The following PRKAG2 variants were observed in gnomAD, a reference collection of about 807,000 sequenced individuals.
PRKAG2 encodes the protein protein kinase AMP-activated non-catalytic subunit gamma 2, also known as 5'-AMP-activated protein kinase subunit gamma-2.
A neutral mutation model predicts 69.6 loss-of-function variants in PRKAG2; 26 were observed. That is an observed-to-expected ratio of 0.37 (90% CI 0.27 to 0.52). The LOEUF is 0.52. Ranked by LOEUF, PRKAG2 falls within the 20% of genes least tolerant of loss-of-function variation. The pLI, the probability that PRKAG2 is intolerant of heterozygous loss-of-function variation, is 0.90. For synonymous variants in PRKAG2, 293 were observed against 285.0 expected (o/e 1.03, Z -0.28); for missense variants, 557 against 740.0 (o/e 0.75, Z 2.87).
At chr7:151,604,313 C>G (rs932140396) in intron 5 of PRKAG2, among the ~76,000 whole-genome samples, 2 of 152,188 alleles carry the variant, frequency 1.3e-5, no homozygotes, top group Non-Finnish European at 2.9e-5. Context: ...TAGCATGGTG[C>G]AGCGGTTATA....
chr7:151,647,166 C>T (rs1827708031), intron 4 of PRKAG2, among the ~76,000 whole-genome samples: 1 of 152,142 alleles, frequency 6.6e-6, no homozygotes, highest in African/African-American at 2.4e-5. Flanking sequence ...GAAGCCATTG[C>T]AGAGAGAGAG....
chr7:151,673,874 G>A (rs1186720732), intron 4 of PRKAG2, among the ~76,000 whole-genome samples: 2 of 126,302 alleles, frequency 1.6e-5, no homozygotes, highest in African/African-American at 3.1e-5. Context: ...ACAGTGTCTC[G>A]CTCTGTCACC....
intron 3 of PRKAG2, among the ~76,000 whole-genome samples, chr7:151,731,522 C>CTG (rs113764475): frequency 4.6e-5 from 5 of 107,678 alleles, no homozygotes; most frequent in Admixed American, 9.3e-5. Context: ...GGGGAGAGCT[C>CTG]TGTGTGTGTG....
chr7:151,777,129 C>A lies in PRKAG2; in HGVS notation c.466+4023G>T, dbSNP rs542893744. Among the ~76,000 whole-genome samples, 50 of 152,306 alleles carry A rather than the reference C, an allele frequency of 3.3e-4. No homozygotes were observed. The highest frequency in any genetic ancestry group is 1.1e-3 in the African/African-American group (47 of 41,572). On this transcript the variant is annotated intron_variant, in intron 3 of 15. Coordinates refer to ENST00000287878, the MANE Select transcript of PRKAG2 (RefSeq NM_016203.4). This position sits in a 1 kb window ranked among gnomAD's most constrained non-coding sequence, Gnocchi z 4.3. ...GAAAGGGTGGAGGGGAGTCTGGGAGCTTCCTCCTGTGCAGACCACAGGCCC... is the reference window on the plus strand; with the variant it reads ...GAAAGGGTGGAGGGGAGTCTGGGAGATTCCTCCTGTGCAGACCACAGGCCC...
intron 14 of PRKAG2, among the ~76,000 whole-genome samples, chr7:151,561,799 G>T (rs1216768076): frequency 1.3e-5 from 2 of 151,976 alleles, no homozygotes; most frequent in Non-Finnish European, 1.5e-5. Context: ...CAGAAGTGCT[G>T]GTGGGCACCT....
intron 3 of PRKAG2, among the ~76,000 whole-genome samples, chr7:151,728,335 T>G (rs1377250193): frequency 6.6e-6 from 1 of 152,188 alleles, no homozygotes; most frequent in Admixed American, 6.5e-5. Context: ...GCTCTCTGAA[T>G]GTACCAAGTG....
intron 3 of PRKAG2, among the ~76,000 whole-genome samples, chr7:151,776,571 G>A (rs1029502411): frequency 6.6e-6 from 1 of 152,228 alleles, no homozygotes; most frequent in Non-Finnish European, 1.5e-5. Context: ...GGAGGGCCCA[G>A]GCCCCGGGTA....
intron 1 of PRKAG2, 77 bp from the exon 2 acceptor site, chr7:151,786,618 TCA>T (rs2077024108): frequency 8.5e-7 from 1 of 1,176,850 alleles, no homozygotes; most frequent in African/African-American, 1.5e-5. Context: ...TACGTGGGTG[TCA>T]CCTCCCCCTT....
chr7:151,589,937 A>T (rs1481099314), intron 6 of PRKAG2, among the ~76,000 whole-genome samples: 1 of 152,120 alleles, frequency 6.6e-6, no homozygotes, highest in Non-Finnish European at 1.5e-5. Flanking sequence ...CCTGTCTTTA[A>T]AAAAAAGAAG....
intron 4 of PRKAG2, among the ~76,000 whole-genome samples, chr7:151,658,024 GGC>G (rs1397791437): frequency 1.3e-5 from 2 of 151,932 alleles, no homozygotes; most frequent in African/African-American, 4.8e-5. Context: ...TGGGCATGGT[GGC>G]GCACGCATGT....
At chr7:151,559,736 T>C (rs1412605450) in intron 15 of PRKAG2, 2 of 985,252 alleles carry the variant, frequency 2.0e-6, no homozygotes, top group African/African-American at 3.5e-5. Context: ...TAATATTGGA[T>C]TCTGAGAGTT....
chr7:151,812,793 T>C (rs1226594850), intron 1 of PRKAG2, among the ~76,000 whole-genome samples: 1 of 152,204 alleles, frequency 6.6e-6, no homozygotes, highest in Non-Finnish European at 1.5e-5. Context: ...CTGGCTTCTC[T>C]TTCCAGCTGA....
chr7:151,773,798 T>C (rs2151787113), intron 3 of PRKAG2, among the ~76,000 whole-genome samples: 1 of 152,306 alleles, frequency 6.6e-6, no homozygotes, highest in Non-Finnish European at 1.5e-5. Flanking sequence ...AGCTAAAGAT[T>C]CACTGTTCTG....
rs973586658 is a variant in PRKAG2, at chr7:151,719,172, A to G, written c.467-43535T>C. Among the ~76,000 whole-genome samples the G allele has an allele frequency of 1.3e-5, 2 of 152,156 alleles. No individual in the cohort carries two copies. Among genetic ancestry groups the G allele is most frequent in the East Asian group, 1.9e-4 (1 of 5,198 alleles). On this transcript the variant is annotated intron_variant, in intron 3 of 15. Coordinates refer to ENST00000287878, the MANE Select transcript of PRKAG2 (RefSeq NM_016203.4). This position sits in a 1 kb window ranked among gnomAD's most constrained non-coding sequence, Gnocchi z 5.2. The stretch of plus-strand genomic sequence containing the variant: ...ATCTTGCAACCAGCTCAGCGGTGGA[A>G]GCAGTGGAAGTGCAGACAGAAAGCC...
chr7:151,870,169 G>A (rs940688685), intron 1 of PRKAG2, among the ~76,000 whole-genome samples: 172 of 144,268 alleles, frequency 1.2e-3, no homozygotes, highest in East Asian at 2.3e-3. Context: ...AGGCAGGCAG[G>A]CAGGCAGGCA....
In PRKAG2 at chr7:151,725,865, G is replaced by A. The variant is rs532617284; in HGVS notation, c.467-50228C>T. 3.9e-5 allele frequency among the ~76,000 whole-genome samples: 6 copies of A among 152,226 alleles called. No individual in the cohort carries two copies. The South Asian group carries it at 6.3e-4, about 16-fold the overall frequency. The stretch of plus-strand genomic sequence containing the variant: ...CTATGTCACTGCACCTCGAAATCCC[G>A]GTGGCTGAGCAGGTTGGGCCCTCCC... On this transcript the variant is annotated intron_variant, in intron 3 of 15. Coordinates refer to ENST00000287878, the MANE Select transcript of PRKAG2 (RefSeq NM_016203.4).
intron 5 of PRKAG2, among the ~76,000 whole-genome samples, chr7:151,617,075 C>T (rs1235929303): frequency 2.0e-5 from 3 of 152,054 alleles, no homozygotes; most frequent in East Asian, 1.9e-4. Context: ...GCCTGACCAA[C>T]GTGGAGAAAC....
At chr7:151,714,362 G>A (rs549848703) in intron 3 of PRKAG2, among the ~76,000 whole-genome samples, 9 of 149,878 alleles carry the variant, frequency 6.0e-5, no homozygotes, top group African/African-American at 1.2e-4. Flanking sequence ...CCACACGCAC[G>A]CTGCCGTCCT....
intron 13 of PRKAG2, 189 bp from the exon 14 acceptor site, chr7:151,564,413 A>G: frequency 8.5e-6 from 5 of 589,592 alleles, no homozygotes; most frequent in Non-Finnish European, 1.2e-5. Flanking sequence ...CAACATATCA[A>G]TCACAATTAA....
Sources: allele counts gnomAD v4.1 joint callset (sites outside exome capture counted in the v4.1 genomes callset), GRCh38; gene constraint gnomAD v4.1.1; non-coding constraint Gnocchi (gnomAD v3.1); transcripts MANE v1.5; gene names NCBI Gene and HGNC (gene_info 2026-07-23, HGNC 2026-07-21).